The following ITM2B variants were observed in gnomAD, a reference collection of about 807,000 sequenced individuals.
ITM2B encodes ABri/ADan amyloid peptide.
In ITM2B, 11 loss-of-function variants were observed where a neutral mutation model predicts 27.8. The ratio of observed to expected loss-of-function variants is 0.40; its 90% CI spans 0.25 to 0.66. ITM2B has a LOEUF of 0.66. Among genes scored for constraint, ITM2B ranks in the 30% least tolerant of loss-of-function variants. The pLI, the probability that ITM2B is intolerant of heterozygous loss-of-function variation, is 0.43. For synonymous variants in ITM2B, 114 were observed against 114.3 expected, an observed-to-expected ratio of 1.00 and a Z score of 0.02; for missense variants, 296 against 328.9, an observed-to-expected ratio of 0.90 and a Z score of 0.77.
chr13:48,238,954 GCTTAAGT>G (rs1419332644), intron 1 of ITM2B, among the ~76,000 whole-genome samples: 2 of 152,056 alleles, frequency 1.3e-5, no homozygotes, highest in African/African-American at 4.8e-5. Context: ...TAAGGATAAA[GCTTAAGT>G]CTTAACTATT....
In ITM2B at chr13:48,258,187, C is replaced by G. The variant is rs1490289759; in HGVS notation, c.515C>G (p.Ser172Cys). ...TGCTATGTGATCCCTCTGAACACTTCCATTGTTATGCCACCCAGAAACCTA... is the reference window on the plus strand; with the variant it reads ...TGCTATGTGATCCCTCTGAACACTTGCATTGTTATGCCACCCAGAAACCTA... ...DKCYVIPLNT[S>C]IVMPPRNLLE... Residue 172 changes from serine (S) to cysteine (C), a missense_variant, in exon 4 of 6, where the codon TCC becomes TGC. Physicochemically the swap from Ser to Cys is moderately radical, Grantham distance 112. Transcript: ENST00000647800. 1.2e-6 allele frequency: 2 copies of G among 1,605,596 alleles called. No individual in the cohort carries two copies. The highest frequency in any genetic ancestry group is 2.7e-5 in the African/African-American group (2 of 74,676).
chr13:48,244,591 A>AT (rs1045048936), intron 1 of ITM2B, among the ~76,000 whole-genome samples: 1 of 152,182 alleles, frequency 6.6e-6, no homozygotes, highest in Non-Finnish European at 1.5e-5. Flanking sequence ...TATACTTGGA[A>AT]TTTTCTTACC....
At chr13:48,239,547 G>A (rs891988098) in intron 1 of ITM2B, among the ~76,000 whole-genome samples, 4 of 152,300 alleles carry the variant, frequency 2.6e-5, no homozygotes, top group African/African-American at 7.2e-5. Context: ...CAGGAGAATC[G>A]CTTGAATCTG....
chr13:48,249,094 C>T (rs1951738555), intron 1 of ITM2B, among the ~76,000 whole-genome samples: 1 of 152,164 alleles, frequency 6.6e-6, no homozygotes, highest in Admixed American at 6.5e-5. Flanking sequence ...CATATATCCA[C>T]CCCAACAATC....
In ITM2B at chr13:48,268,660, G is replaced by C. The variant is rs1191624896; in HGVS notation, c.*7436G>C. The C allele has an allele frequency of 6.6e-6, 1 of 151,958 alleles. No homozygotes were observed. The highest frequency in any genetic ancestry group is 1.5e-5 in the Non-Finnish European group (1 of 67,984). The allele number at this position is 151,958 out of a possible 1,614,324, so 9.4% of individuals were successfully genotyped here. A position where few individuals can be genotyped will look rare whatever the true frequency, so the allele number is the denominator to read the frequency against. ...CAATTTATCATTTTTTTCTGTGTAGGTATTTTCATTGTTTCCAAGTTGGGA... is the reference window on the plus strand; with the variant it reads ...CAATTTATCATTTTTTTCTGTGTAGCTATTTTCATTGTTTCCAAGTTGGGA... On this transcript the variant is annotated 3_prime_UTR_variant, in exon 6 of 6. Transcript: ENST00000647800.
rs2138000389 is a variant in ITM2B at position 48,264,303 on chromosome 13, C to T, written c.*3079C>T. The T allele has an allele frequency of 6.6e-6, 1 of 152,170 alleles. No individual in the cohort carries two copies. The highest frequency in any genetic ancestry group is 3.4e-3 in the Middle Eastern group (1 of 294). 9.4% of individuals were successfully genotyped at this position (152,170 alleles called of 1,614,324 possible). A position where few individuals can be genotyped will look rare whatever the true frequency, so the allele number is the denominator to read the frequency against. The stretch of plus-strand genomic sequence containing the variant: ...TTGTTCACTTCTGCTTTCCCTGTAT[C>T]CCTTTTTAGATTCCACACCCATATT... On this transcript the variant is annotated 3_prime_UTR_variant, in exon 6 of 6. Transcript: ENST00000647800.
chr13:48,269,971 C>A lies in ITM2B; in HGVS notation c.*8747C>A, dbSNP rs953918895. ...GAGAGAGTAATTGGAGACAAGCTTT[C>A]CCTTGGCTTCCCTTCTTTTCTCACA... is the stretch of plus-strand genomic sequence containing the variant. On this transcript the variant is annotated 3_prime_UTR_variant, in exon 6 of 6. Coordinates refer to ENST00000647800, the MANE Select transcript of ITM2B (RefSeq NM_021999.5). 1.3e-5 allele frequency: 2 copies of A among 152,238 alleles called. No individual in the cohort carries two copies. The highest frequency in any genetic ancestry group is 4.8e-5 in the African/African-American group (2 of 41,448). The allele number at this position is 152,238 out of a possible 1,614,324, so 9.4% of individuals were successfully genotyped here.
In ITM2B at chr13:48,266,753, G is replaced by A. The variant is rs1046505293; in HGVS notation, c.*5529G>A. 6.6e-6 allele frequency: 1 copy of A among 151,954 alleles called. No homozygotes were observed. The highest frequency in any genetic ancestry group is 2.4e-5 in the African/African-American group (1 of 41,344). 9.4% of individuals were successfully genotyped at this position (151,954 alleles called of 1,614,324 possible). ...ACTTTGAGGCTATTTCATCTTGATG[G>A]GCTTGTTGTTCAAAGTTAGAGCCTC... On this transcript the variant is annotated 3_prime_UTR_variant, in exon 6 of 6. Coordinates refer to ENST00000647800, the MANE Select transcript of ITM2B (RefSeq NM_021999.5).
chr13:48,245,794 C>G (rs531538542), intron 1 of ITM2B, among the ~76,000 whole-genome samples: 1 of 116,986 alleles, frequency 8.5e-6, no homozygotes, highest in African/African-American at 3.1e-5. Flanking sequence ...TTTTTTTTTT[C>G]GAGACAGAGT....
intron 1 of ITM2B, among the ~76,000 whole-genome samples, chr13:48,251,719 A>G (rs1311037232): frequency 6.6e-6 from 1 of 152,188 alleles, no homozygotes; most frequent in Non-Finnish European, 1.5e-5. Flanking sequence ...TGGCTGTCCC[A>G]GCAGCTGATA....
At chr13:48,248,059 G>C (rs761358917) in intron 1 of ITM2B, among the ~76,000 whole-genome samples, 10 of 152,098 alleles carry the variant, frequency 6.6e-5, no homozygotes, top group Non-Finnish European at 1.0e-4. Context: ...ATATACCCCA[G>C]TGAAGAAGCT....
chr13:48,240,517 C>G (rs1951693874), intron 1 of ITM2B, among the ~76,000 whole-genome samples: 1 of 152,156 alleles, frequency 6.6e-6, no homozygotes, highest in Non-Finnish European at 1.5e-5. Flanking sequence ...TCTTATATTA[C>G]TGTTACTGCT....
chr13:48,258,033 T>G, intron 3 of ITM2B, 93 bp from the exon 4 acceptor site: 1 of 736,136 alleles, frequency 1.4e-6, no homozygotes, highest in Non-Finnish European at 2.5e-6. Flanking sequence ...CTAAAGCCAA[T>G]TCATTTTAAT....
intron 1 of ITM2B, among the ~76,000 whole-genome samples, chr13:48,236,005 A>G (rs776432475): frequency 5.3e-5 from 8 of 151,872 alleles, no homozygotes; most frequent in Non-Finnish European, 8.8e-5. Flanking sequence ...CTGTCTTTCT[A>G]TTTTTTTCTT....
chr13:48,256,366 G>C lies in ITM2B; in HGVS notation c.436G>C (p.Val146Leu), dbSNP rs771173753. 2.7e-5 allele frequency: 43 copies of C among 1,613,352 alleles called. No homozygotes were observed. Among genetic ancestry groups the C allele is most frequent in the Non-Finnish European group, 3.6e-5 (42 of 1,179,492 alleles). ...EFADSDPANIVHDFNKKLTAY... is the reference protein window; with the variant it reads ...EFADSDPANILHDFNKKLTAY... ...TGCAGATAGTGATCCTGCCAACATT[G>C]TTCATGACTTTAACAAGGTGAGCCA... Residue 146 changes from valine to leucine, a missense_variant, in exon 3 of 6, where the codon GTT becomes CTT. By Grantham distance (32) the Val-to-Leu change is conservative. Transcript: ENST00000647800.
rs1555274359 is a variant in ITM2B, at chr13:48,235,025, T to TAC, written c.117+1554_117+1555dup. 4.8e-3 allele frequency among the ~76,000 whole-genome samples: 723 copies of TAC among 152,102 alleles called. 4 individuals are homozygous for TAC. The highest frequency in any genetic ancestry group is 7.4e-3 in the Non-Finnish European group (501 of 68,016). The stretch of plus-strand genomic sequence containing the variant: ...CTTAATGCTATCACATATATATATA[T>TAC]ACACACATACATTTAAAAATCCTAT... On this transcript the variant is annotated intron_variant, in intron 1 of 5. Coordinates refer to ENST00000647800, the MANE Select transcript of ITM2B (RefSeq NM_021999.5).
chr13:48,234,016 C>A (rs1041911576), intron 1 of ITM2B, among the ~76,000 whole-genome samples: 1 of 152,114 alleles, frequency 6.6e-6, no homozygotes, highest in South Asian at 2.1e-4. Flanking sequence ...CACGGCCCTT[C>A]GGTAGTGGCA....
rs1339428360 is a variant in ITM2B at position 48,265,126 on chromosome 13, T to C, written c.*3902T>C. 6.6e-6 allele frequency: 1 copy of C among 152,184 alleles called. No homozygotes were observed. The allele number at this position is 152,184 out of a possible 1,614,324, so 9.4% of individuals were successfully genotyped here. The stretch of plus-strand genomic sequence containing the variant: ...TGATGGGACTTCTGTATCTGATTTT[T>C]AAGCTTGCATTTGTGTTTATATTTT... On this transcript the variant is annotated 3_prime_UTR_variant, in exon 6 of 6. Coordinates refer to ENST00000647800, the MANE Select transcript of ITM2B (RefSeq NM_021999.5).
intron 1 of ITM2B, among the ~76,000 whole-genome samples, chr13:48,235,488 A>G (rs1370382813): frequency 6.6e-6 from 1 of 152,270 alleles, no homozygotes; most frequent in Non-Finnish European, 1.5e-5. Flanking sequence ...ATAAGCTGAA[A>G]GACTTCTTTA....
Sources: allele counts gnomAD v4.1 joint callset (sites outside exome capture counted in the v4.1 genomes callset), GRCh38; gene constraint gnomAD v4.1.1; transcripts MANE v1.5; gene names NCBI Gene and HGNC (gene_info 2026-07-23, HGNC 2026-07-21).